Variants in ITPR1 observed in about 807,000 individuals in gnomAD.
ITPR1 encodes inositol 1,4,5-trisphosphate-gated calcium channel ITPR1.
ITPR1 carries 96 observed loss-of-function variants against 318.4 expected under a neutral mutation model. The observed-to-expected ratio is 0.30, with a 90% CI of 0.26 to 0.36. ITPR1 has a LOEUF of 0.36. Ranked by LOEUF, ITPR1 falls within the 10% of genes least tolerant of loss-of-function variation. The pLI is 1.00. For missense variants in ITPR1, 2,440 were observed against 3,460.2 expected, an observed-to-expected ratio of 0.71 and a Z score of 7.40; for synonymous variants, 1,312 against 1,289.9, an observed-to-expected ratio of 1.02 and a Z score of -0.37.
At chr3:4,577,979 A>G (rs1200233762) in intron 4 of ITPR1, among the ~76,000 whole-genome samples, 1 of 152,230 alleles carries the variant, frequency 6.6e-6, no homozygotes, top group Non-Finnish European at 1.5e-5. Context: ...AAAATCTTGA[A>G]GGATAGTTGC....
chr3:4,788,964 G>C (rs1017929530), intron 52 of ITPR1, among the ~76,000 whole-genome samples: 1 of 152,150 alleles, frequency 6.6e-6, no homozygotes, highest in Non-Finnish European at 1.5e-5. Flanking sequence ...CAGAGCTTTC[G>C]TCTTCTCCGT....
intron 18 of ITPR1, 93 bp downstream of exon 18, chr3:4,667,642 C>T (rs2093980338): frequency 1.6e-6 from 2 of 1,255,826 alleles, no homozygotes; most frequent in African/African-American, 3.0e-5. Context: ...CCTTGTGCTG[C>T]TAGTGACAAG....
At chr3:4,598,814 G>A (rs1381335455) in intron 4 of ITPR1, among the ~76,000 whole-genome samples, 2 of 152,022 alleles carry the variant, frequency 1.3e-5, no homozygotes, top group Non-Finnish European at 2.9e-5. Flanking sequence ...TTCAATTCAG[G>A]TGCAATTTTA....
chr3:4,536,124 T>C (rs944031266), intron 4 of ITPR1, among the ~76,000 whole-genome samples: 1 of 152,176 alleles, frequency 6.6e-6, no homozygotes, highest in Non-Finnish European at 1.5e-5. Flanking sequence ...TCTGATTTTA[T>C]TATCACCTGC....
intron 4 of ITPR1, among the ~76,000 whole-genome samples, chr3:4,545,165 G>A (rs960011663): frequency 3.9e-5 from 6 of 152,194 alleles, no homozygotes; most frequent in Admixed American, 2.0e-4. Flanking sequence ...TTTCACCCTC[G>A]AACAGATGAG....
chr3:4,768,521 C>G lies in ITPR1; in HGVS notation c.5736C>G (p.Pro1912=). ...DAPSRKKAKE[P]TTQITEEVRD... ...ATGCTTGCTTTCTAGCTAAAGAGCC[C>G]ACAACACAGATAACAGAAGAGGTCC... is the stretch of plus-strand genomic sequence containing the variant. The change falls in exon 46 of 62, where the codon CCC becomes CCG. Residue 1912 remains proline, a synonymous_variant. Coordinates refer to ENST00000649015, the MANE Select transcript of ITPR1 (RefSeq NM_001378452.1). The G allele has an allele frequency of 1.2e-6, 2 of 1,609,164 alleles. No homozygotes were observed. The highest frequency in any genetic ancestry group is 1.7e-6 in the Non-Finnish European group (2 of 1,176,402).
chr3:4,776,039 T>A (rs538651326), intron 47 of ITPR1, among the ~76,000 whole-genome samples: 1 of 152,220 alleles, frequency 6.6e-6, no homozygotes, highest in African/African-American at 2.4e-5. Context: ...ATCTTAAGGA[T>A]TTTGTGAGTT....
intron 55 of ITPR1, among the ~76,000 whole-genome samples, chr3:4,807,247 G>T (rs372048545): frequency 3.9e-5 from 6 of 152,102 alleles, no homozygotes; most frequent in African/African-American, 1.4e-4. Context: ...CCCGAAGCGC[G>T]TATGAGAGGC....
chr3:4,826,460 G>A lies in ITPR1; in HGVS notation c.8028+8218G>A, dbSNP rs1043629993. 7.9e-5 allele frequency among the ~76,000 whole-genome samples: 12 copies of A among 152,130 alleles called. No homozygotes were observed. Among genetic ancestry groups the A allele is most frequent in the East Asian group, 5.8e-4 (3 of 5,190 alleles). ...GCACCACGGCAGAGTCAAGAATATC[G>A]GAGCAGGGAGGAGTGAAGAGGGATT... is the stretch of plus-strand genomic sequence containing the variant. On this transcript the variant is annotated intron_variant, in intron 60 of 61. Transcript: ENST00000649015. The surrounding 1 kb of genome is among the most constrained non-coding windows in gnomAD (Gnocchi z 4.2).
intron 13 of ITPR1, among the ~76,000 whole-genome samples, chr3:4,658,754 T>A (rs920599351): frequency 8.2e-4 from 124 of 152,106 alleles, no homozygotes; most frequent in African/African-American, 2.9e-3. Context: ...GTTATTTTTT[T>A]AAATTTAACT....
intron 13 of ITPR1, among the ~76,000 whole-genome samples, chr3:4,660,309 A>G (rs150977309): frequency 1.2e-3 from 179 of 151,848 alleles, no homozygotes; most frequent in Middle Eastern, 3.4e-3. Flanking sequence ...TCCAATATTC[A>G]TATTTTTCTT....
intron 39 of ITPR1, among the ~76,000 whole-genome samples, chr3:4,712,760 A>G (rs905839955): frequency 1.3e-5 from 2 of 152,274 alleles, no homozygotes; most frequent in Admixed American, 6.5e-5. Flanking sequence ...CCTATCTGTC[A>G]TTAATATTAG....
At chr3:4,512,941 G>A (rs558031823) in intron 2 of ITPR1, among the ~76,000 whole-genome samples, 9 of 90,428 alleles carry the variant, frequency 1.0e-4, no homozygotes, top group African/African-American at 4.1e-4. Flanking sequence ...GTCAGGCATG[G>A]CTTGTCAGCA....
At chr3:4,530,247 C>CAAA (rs2083303064) in intron 4 of ITPR1, among the ~76,000 whole-genome samples, 1 of 152,184 alleles carries the variant, frequency 6.6e-6, no homozygotes, top group South Asian at 2.1e-4. Flanking sequence ...GATTTTGGAG[C>CAAA]ACTCAAAGGG....
At chr3:4,797,160 T>C (rs1056007861) in intron 53 of ITPR1, among the ~76,000 whole-genome samples, 9 of 151,618 alleles carry the variant, frequency 5.9e-5, no homozygotes, top group Non-Finnish European at 7.4e-5. Context: ...GAGGCTGATA[T>C]GACCCAAGGA....
chr3:4,807,131 TACAA>T (rs2048619563), intron 55 of ITPR1, among the ~76,000 whole-genome samples: 1 of 1,780 alleles, frequency 5.6e-4, no homozygotes, highest in African/African-American at 1.4e-3. Flanking sequence ...GAGGGGGGCT[TACAA>T]AGAGAGGGGG....
chr3:4,574,679 G>A (rs1271335432), intron 4 of ITPR1, among the ~76,000 whole-genome samples: 1 of 152,196 alleles, frequency 6.6e-6, no homozygotes, highest in African/African-American at 2.4e-5. Flanking sequence ...ATCTGCACAC[G>A]CTTGCTGAGC....
chr3:4,527,482 A>G (rs1471589427), intron 4 of ITPR1, among the ~76,000 whole-genome samples: 1 of 152,100 alleles, frequency 6.6e-6, no homozygotes, highest in Non-Finnish European at 1.5e-5. Flanking sequence ...GCCACACTTA[A>G]TGCACTTTTA....
Position 4,831,119 on chromosome 3 carries a change from T to TCA in ITPR1, c.8029-5654_8029-5653insAC, listed in dbSNP as rs1473145180. On this transcript the variant is annotated intron_variant, in intron 60 of 61. Coordinates refer to ENST00000649015, the MANE Select transcript of ITPR1 (RefSeq NM_001378452.1). Reference sequence around the variant, plus strand: ...CTGTCTGTCTTTGTCTCTCTCTCTCTCTCTCTCTCTCTCACACACACACAC... The same window carrying TCA: ...CTGTCTGTCTTTGTCTCTCTCTCTCTCACTCTCTCTCTCTCACACACACACAC... 4.8e-5 allele frequency: 13 copies of TCA among 272,446 alleles called. No homozygotes were observed. The African/African-American group carries it at 8.9e-4, about 19-fold the overall frequency. 16.9% of individuals were successfully genotyped at this position (272,446 alleles called of 1,614,324 possible).
Sources: gnomAD v4.1 joint callset for allele counts (sites outside exome capture counted in the v4.1 genomes callset) on GRCh38, gnomAD v4.1.1 for gene constraint, Gnocchi (gnomAD v3.1) non-coding constraint, MANE v1.5 for transcripts, NCBI Gene and HGNC (gene_info 2026-07-23, HGNC 2026-07-21) for gene names.